MSH6: variants seen among roughly 807,000 people sequenced by gnomAD.
The protein encoded by MSH6 is mutS homolog 6, also known as DNA mismatch repair protein Msh6.
MSH6 carries 85 observed loss-of-function variants against 119.1 expected under a neutral mutation model. That is an observed-to-expected ratio of 0.71 (90% CI 0.60 to 0.85). The LOEUF is 0.85. MSH6 is among the 40% of genes least tolerant of loss of function. The pLI is 0.00. For synonymous variants in MSH6, 830 were observed against 586.9 expected, an observed-to-expected ratio of 1.41 and a Z score of -5.99; for missense variants, 2,163 against 1,655.3, an observed-to-expected ratio of 1.31 and a Z score of -5.32.
chr2:47,783,680 TGTAAACAG>T (rs1668156856), intron 1 of MSH6, 187 bp downstream of exon 1: 1 of 576,246 alleles, frequency 1.7e-6, no homozygotes. Context: ...GGGTGTAGCT[TGTAAACAG>T]GGTCGGAGGA....
At chr2:47,783,893 G>GTGGGC in intron 1 of MSH6, 1 of 1,010,848 alleles carries the variant, frequency 9.9e-7, no homozygotes, top group Non-Finnish European at 1.2e-6. Context: ...GGCCCACTTG[G>GTGGGC]TGGGCGGGGC....
At chr2:47,793,412 G>A (rs929769670) in intron 2 of MSH6, among the ~76,000 whole-genome samples, 2 of 148,222 alleles carry the variant, frequency 1.3e-5, no homozygotes, top group African/African-American at 2.5e-5. Flanking sequence ...GGTGGATCAC[G>A]AGGTCAGGCG....
chr2:47,808,282 G>A (rs1323154333), downstream of MSH6: 6 of 1,612,650 alleles, frequency 3.7e-6, no homozygotes, highest in Non-Finnish European at 5.1e-6. Flanking sequence ...TTAGAAAAGT[G>A]AGGGGGAAAG....
At chr2:47,786,304 T>C (rs1287750254) in intron 1 of MSH6, among the ~76,000 whole-genome samples, 1 of 151,964 alleles carries the variant, frequency 6.6e-6, no homozygotes, top group Non-Finnish European at 1.5e-5. Context: ...ACTTACTCCA[T>C]GAATCATTTA....
At chr2:47,807,165 C>A, downstream of MSH6, 1 of 290,878 alleles carries the variant, frequency 3.4e-6, no homozygotes, top group Non-Finnish European at 6.5e-6. Flanking sequence ...ATACTTGTCT[C>A]AGCTTAATGC....
Position 47,800,673 on chromosome 2 carries a change from ATCCTGAAGGTCGTTT to A in MSH6, c.2697_2711del (p.Glu899_Pro903del). ...CAGGTCATCTCTCTGCAGACAAAAA[ATCCTGAAGGTCGTTT>A]TCCTGATTTGACTGTAGAATTGAAC... On this transcript the variant is annotated inframe_deletion, in exon 4 of 10. Transcript: ENST00000234420. 1.2e-6 allele frequency: 2 copies of A among 1,614,220 alleles called. No homozygotes were observed. The highest frequency in any genetic ancestry group is 1.7e-6 in the Non-Finnish European group (2 of 1,180,038).
intron 1 of MSH6, among the ~76,000 whole-genome samples, chr2:47,790,346 C>T (rs571165099): frequency 2.0e-4 from 31 of 152,270 alleles, no homozygotes; most frequent in African/African-American, 7.2e-4. Context: ...ATCGCTTGAA[C>T]CGGGGAGGCA....
chr2:47,800,149 T>C lies in MSH6; in HGVS notation c.2166T>C (p.Ser722=). The C allele has an allele frequency of 1.2e-6, 2 of 1,614,228 alleles. No individual in the cohort carries two copies. The highest frequency in any genetic ancestry group is 1.7e-6 in the Non-Finnish European group (2 of 1,180,036). Residue 722 remains serine (S), a synonymous_variant, in exon 4 of 10, where the codon TCT becomes TCC. Transcript: ENST00000234420. ...LDSDTVSTTR[S]GAIFTKAYQR... is the part of the protein sequence containing the mutation. The stretch of plus-strand genomic sequence containing the variant: ...CTGACACAGTCAGCACTACAAGATC[T>C]GGTGCTATCTTCACCAAAGCCTATC...
At chr2:47,789,451 A>G in intron 1 of MSH6, 1 of 464,326 alleles carries the variant, frequency 2.2e-6, no homozygotes, top group Non-Finnish European at 4.4e-6. Flanking sequence ...CTGTAAACAA[A>G]TGGAAGACAT....
At chr2:47,784,893 C>T (rs937765806) in intron 1 of MSH6, 5 of 152,220 alleles carry the variant, frequency 3.3e-5, no homozygotes, top group African/African-American at 1.2e-4. Context: ...GTGGCGCGTT[C>T]TTGGCTCACC....
At chr2:47,810,053 A>G, downstream of MSH6, 1 of 495,494 alleles carries the variant, frequency 2.0e-6, no homozygotes, top group South Asian at 3.2e-5. Context: ...TCCTAGTGGT[A>G]ATACAAGCCT....
In MSH6 at chr2:47,799,060, T is replaced by C. The variant is rs926748786; in HGVS notation, c.1077T>C (p.Ser359=). The C allele has an allele frequency of 6.2e-7, 1 of 1,614,128 alleles. No homozygotes were observed. Among genetic ancestry groups the C allele is most frequent in the Non-Finnish European group, 8.5e-7 (1 of 1,180,022 alleles). The change falls in exon 4 of 10, where the codon AGT becomes AGC. Residue 359 remains serine, a synonymous_variant. Transcript: ENST00000234420. ...ACGTTAGTGGAGGTGGTGATGACAG[T>C]AGTCGCCCTACTGTTTGGTATCATG... is the stretch of plus-strand genomic sequence containing the variant. ...QAHVSGGGDD[S]SRPTVWYHET... is the part of the protein sequence containing the mutation.
rs876661084 is a variant in MSH6, at chr2:47,806,260, C to G, written c.3703C>G (p.Leu1235Val). ...AATAGCAAATGCAGTTGTTAAAGAACTTGCTGAGACTATAAAATGTCGTAC... is the reference window on the plus strand; with the variant it reads ...AATAGCAAATGCAGTTGTTAAAGAAGTTGCTGAGACTATAAAATGTCGTAC... ...TAIANAVVKE[L>V]AETIKCRTLF... is the part of the protein sequence containing the mutation. Residue 1235 changes from leucine (L) to valine (V), a missense_variant, in exon 8 of 10, where the codon CTT (leucine) becomes GTT (valine). Transcript: ENST00000234420. 6.2e-6 allele frequency: 10 copies of G among 1,613,904 alleles called. No individual in the cohort carries two copies. Among genetic ancestry groups the G allele is most frequent in the Non-Finnish European group, 8.5e-6 (10 of 1,179,934 alleles).
At chr2:47,790,151 G>A (rs1049857011) in intron 1 of MSH6, among the ~76,000 whole-genome samples, 1 of 152,210 alleles carries the variant, frequency 6.6e-6, no homozygotes, top group African/African-American at 2.4e-5. Flanking sequence ...GCCAGGCGCG[G>A]TGGCTCACGC....
chr2:47,806,903 G>T lies in MSH6; in HGVS notation c.*43G>T. ...CTTTGAGTTGACTTCTGACAAAGGT[G>T]GTAAATTCAGACAACATTATGATCT... On this transcript the variant is annotated 3_prime_UTR_variant, in exon 10 of 10. Coordinates refer to ENST00000234420, the MANE Select transcript of MSH6 (RefSeq NM_000179.3). 1 of 1,379,940 alleles carries T rather than the reference G, an allele frequency of 7.2e-7. No homozygotes were observed. The highest frequency in any genetic ancestry group is 1.2e-5 in the South Asian group (1 of 85,334). 85.5% of individuals were successfully genotyped at this position (1,379,940 alleles called of 1,614,324 possible).
At position 47,789,928 on chromosome 2, in the gene MSH6, T is replaced by A. The variant is rs374293348; in HGVS notation, c.261-999T>A. Reference sequence around the variant, plus strand: ...CCTTTAACCTCCCAGGCTCAAGCTGTCCTGCCTCGGCCTCCCCAAGTGTTG... The same window carrying A: ...CCTTTAACCTCCCAGGCTCAAGCTGACCTGCCTCGGCCTCCCCAAGTGTTG... On this transcript the variant is annotated intron_variant, in intron 1 of 9. Transcript: ENST00000234420. Among the ~76,000 whole-genome samples, 3 of 152,218 alleles carry A rather than the reference T, an allele frequency of 2.0e-5. No individual in the cohort carries two copies. The East Asian group carries it at 5.8e-4, about 29-fold the overall frequency.
intron 2 of MSH6, among the ~76,000 whole-genome samples, chr2:47,793,333 A>ATC (rs1221539715): frequency 2.7e-5 from 4 of 147,284 alleles, no homozygotes; most frequent in Non-Finnish European, 4.5e-5. Context: ...AAAAAAAAAA[A>ATC]AAAAAAAAAA....
At chr2:47,789,534 C>A (rs945097777) in intron 1 of MSH6, 2 of 405,894 alleles carry the variant, frequency 4.9e-6, no homozygotes, top group Non-Finnish European at 9.9e-6. Flanking sequence ...AGACCTCATA[C>A]ATCATTTAAA....
intron 1 of MSH6, among the ~76,000 whole-genome samples, chr2:47,788,184 T>TA (rs778714650): frequency 3.0e-4 from 46 of 151,920 alleles, no homozygotes; most frequent in Non-Finnish European, 6.0e-4. Context: ...TGCATATTAG[T>TA]AAAATTTTTA....
Sources: gnomAD v4.1 joint callset for allele counts (sites outside exome capture counted in the v4.1 genomes callset) on GRCh38, gnomAD v4.1.1 for gene constraint, MANE v1.5 for transcripts, NCBI Gene and HGNC (gene_info 2026-07-23, HGNC 2026-07-21) for gene names.